FBXL20: variants seen among roughly 807,000 people sequenced by gnomAD.
FBXL20 encodes F-box and leucine rich repeat protein 20.
Under a neutral mutation model 64.0 loss-of-function variants are expected in FBXL20, and 11 were observed. The observed-to-expected ratio is 0.17, with a 90% CI of 0.11 to 0.28. The LOEUF (loss-of-function observed/expected upper bound fraction) is 0.28, where lower values mean the gene tolerates loss of function less well. FBXL20 is among the 10% of genes least tolerant of loss of function. FBXL20 has a pLI of 1.00. For synonymous variants in FBXL20, 184 were observed against 189.0 expected (o/e 0.97, Z 0.22); for missense variants, 303 against 526.2 (o/e 0.58, Z 4.15).
chr17:39,315,871 G>GA (rs2047286503), intron 2 of FBXL20, among the ~76,000 whole-genome samples: 1 of 137,068 alleles, frequency 7.3e-6, no homozygotes, highest in Non-Finnish European at 1.6e-5. Flanking sequence ...GAGAGAGAGA[G>GA]CAACTGTAGA....
intron 1 of FBXL20, 65 bp from the exon 2 acceptor site, chr17:39,343,306 T>C (rs1182360956): frequency 6.9e-6 from 8 of 1,166,136 alleles, no homozygotes; most frequent in African/African-American, 3.1e-5. Flanking sequence ...TTCAACTCAA[T>C]AGTTTAGAGG....
At chr17:39,381,634 T>A (rs975190903) in intron 1 of FBXL20, among the ~76,000 whole-genome samples, 2 of 151,306 alleles carry the variant, frequency 1.3e-5, no homozygotes, top group African/African-American at 4.9e-5. Flanking sequence ...TACAAATAAA[T>A]ACAGAAATCA....
At chr17:39,267,462 G>A (rs551199220) in intron 12 of FBXL20, among the ~76,000 whole-genome samples, 1 of 152,258 alleles carries the variant, frequency 6.6e-6, no homozygotes, top group African/African-American at 2.4e-5. Flanking sequence ...TGTCTCCTTA[G>A]AATAATCAGA....
intron 13 of FBXL20, 86 bp downstream of exon 13, chr17:39,265,311 A>G (rs1371929850): frequency 8.9e-6 from 9 of 1,013,358 alleles, no homozygotes; most frequent in Non-Finnish European, 1.3e-5. Flanking sequence ...AATGGTAGCC[A>G]GACACTAAGA....
intron 1 of FBXL20, among the ~76,000 whole-genome samples, chr17:39,361,493 T>A (rs2047793157): frequency 6.6e-6 from 1 of 152,152 alleles, no homozygotes; most frequent in South Asian, 2.1e-4. Flanking sequence ...CAGAAGCTTC[T>A]CAAAACAAGA....
chr17:39,376,898 G>C (rs1161860531), intron 1 of FBXL20, among the ~76,000 whole-genome samples: 4 of 152,064 alleles, frequency 2.6e-5, no homozygotes, highest in Admixed American at 2.0e-4. Context: ...CTGAGACAGT[G>C]AAAGAGATCT....
chr17:39,305,691 A>T (rs565625347), intron 2 of FBXL20, among the ~76,000 whole-genome samples: 12 of 152,264 alleles, frequency 7.9e-5, no homozygotes, highest in African/African-American at 2.9e-4. Context: ...CTCTACAAAA[A>T]TTTTAAAAAT....
chr17:39,333,878 C>T (rs958352330), intron 2 of FBXL20, among the ~76,000 whole-genome samples: 7 of 151,358 alleles, frequency 4.6e-5, no homozygotes, highest in African/African-American at 1.2e-4. Flanking sequence ...CCGGCTGCCC[C>T]GTCTGAGAAG....
intron 1 of FBXL20, among the ~76,000 whole-genome samples, chr17:39,360,050 TA>T (rs893213320): frequency 1.3e-5 from 2 of 152,074 alleles, no homozygotes; most frequent in African/African-American, 2.4e-5. Context: ...AAAATTTACA[TA>T]AAAACATATA....
At chr17:39,369,992 T>C (rs749906951) in intron 1 of FBXL20, among the ~76,000 whole-genome samples, 3 of 151,796 alleles carry the variant, frequency 2.0e-5, no homozygotes, top group Middle Eastern at 3.2e-3. Context: ...CCCAGCAGTT[T>C]GGGAGGCCAA....
At chr17:39,381,669 T>C (rs931040625) in intron 1 of FBXL20, among the ~76,000 whole-genome samples, 1 of 151,716 alleles carries the variant, frequency 6.6e-6, no homozygotes, top group Non-Finnish European at 1.5e-5. Context: ...TGTACACTTG[T>C]AGTCTTAGCT....
chr17:39,343,592 C>T (rs1305390467), intron 1 of FBXL20, among the ~76,000 whole-genome samples: 4 of 151,990 alleles, frequency 2.6e-5, no homozygotes, highest in East Asian at 1.9e-4. Flanking sequence ...AGAGTCCGGG[C>T]GCAGCAACTC....
rs2046706027 is a variant in FBXL20, at chr17:39,257,503, G to T, written c.*3957C>A. 1 of 152,212 alleles carries T rather than the reference G, an allele frequency of 6.6e-6. No homozygotes were observed. Among genetic ancestry groups the T allele is most frequent in the African/African-American group, 2.4e-5 (1 of 41,470 alleles). 9.4% of individuals were successfully genotyped at this position (152,212 alleles called of 1,614,324 possible). ...AAGGAATACTTTTACCTTCAGTAAA[G>T]ACAAGAGCAGAATAGGAGAAGAAAA... On this transcript the variant is annotated 3_prime_UTR_variant, in exon 15 of 15. Transcript: ENST00000264658.
intron 6 of FBXL20, among the ~76,000 whole-genome samples, chr17:39,289,044 AT>A (rs917630996): frequency 6.6e-6 from 1 of 151,782 alleles, no homozygotes; most frequent in African/African-American, 2.4e-5. Context: ...ACAATTTATC[AT>A]TTTTTTCTTT....
chr17:39,368,660 TTTTTTG>T (rs1425309739), intron 1 of FBXL20, among the ~76,000 whole-genome samples: 2 of 152,084 alleles, frequency 1.3e-5, no homozygotes, highest in African/African-American at 4.8e-5. Flanking sequence ...TTTTTGTTTG[TTTTTTG>T]TTTTATTGAG....
At chr17:39,301,593 T>C (rs2047135942) in intron 3 of FBXL20, among the ~76,000 whole-genome samples, 1 of 152,106 alleles carries the variant, frequency 6.6e-6, no homozygotes, top group Non-Finnish European at 1.5e-5. Context: ...CCGGGTGTGG[T>C]GGCACGTGCC....
chr17:39,315,808 AGAGAGAGT>A (rs1180022061), intron 2 of FBXL20, among the ~76,000 whole-genome samples: 11 of 135,544 alleles, frequency 8.1e-5, no homozygotes, highest in African/African-American at 3.4e-4. Context: ...GGGATCTTTG[AGAGAGAGT>A]GAGAGAGAGA....
intron 9 of FBXL20, among the ~76,000 whole-genome samples, chr17:39,278,306 T>G (rs1291573016): frequency 1.3e-5 from 2 of 151,154 alleles, no homozygotes; most frequent in African/African-American, 4.9e-5. Context: ...CCACCACACT[T>G]AGATGGTTTT....
chr17:39,337,283 CAG>C (rs2047532561), intron 2 of FBXL20, among the ~76,000 whole-genome samples: 1 of 152,234 alleles, frequency 6.6e-6, no homozygotes, highest in African/African-American at 2.4e-5. Context: ...CTCGTTCACT[CAG>C]TGCTCAATGG....
Sources: gnomAD v4.1 joint callset for allele counts (sites outside exome capture counted in the v4.1 genomes callset) on GRCh38, gnomAD v4.1.1 for gene constraint, MANE v1.5 for transcripts, NCBI Gene and HGNC (gene_info 2026-07-23, HGNC 2026-07-21) for gene names.